DENND2B: variants seen among roughly 807,000 people sequenced by gnomAD.
The protein encoded by DENND2B is DENN domain containing 2B, also known as DENN domain-containing protein 2B.
DENND2B carries 32 observed loss-of-function variants against 116.0 expected under a neutral mutation model. The ratio of observed to expected loss-of-function variants is 0.28; its 90% confidence interval spans 0.21 to 0.37. DENND2B has a LOEUF of 0.37. Ranked by LOEUF, DENND2B falls within the 10% of genes least tolerant of loss-of-function variation. The pLI, the probability that DENND2B is intolerant of heterozygous loss-of-function variation, is 1.00. For missense variants in DENND2B, 1,276 were observed against 1,477.7 expected (o/e 0.86, Z 2.24); for synonymous variants, 588 against 583.9 (o/e 1.01, Z -0.10).
chr11:8,751,379 T>G (rs1262147805), intron 1 of DENND2B, among the ~76,000 whole-genome samples: 1 of 152,132 alleles, frequency 6.6e-6, no homozygotes, highest in Non-Finnish European at 1.5e-5. Flanking sequence ...GATAAGGGAA[T>G]AAAAGCAGGC....
intron 3 of DENND2B, among the ~76,000 whole-genome samples, chr11:8,854,358 C>T (rs912118523): frequency 6.6e-6 from 1 of 151,876 alleles, no homozygotes; most frequent in African/African-American, 2.4e-5. Context: ...TGCACCACCA[C>T]GACCAGCTAA....
chr11:8,705,283 GAGA>G (rs972438119), intron 13 of DENND2B, among the ~76,000 whole-genome samples: 1 of 152,028 alleles, frequency 6.6e-6, no homozygotes, highest in Non-Finnish European at 1.5e-5. Context: ...ATGCAATCTT[GAGA>G]AGATGTCTAC....
rs544281251 is a variant in DENND2B, at chr11:8,883,973, G to T, written c.-255-2864C>A. 2.0e-5 allele frequency among the ~76,000 whole-genome samples: 3 copies of T among 152,280 alleles called. No individual in the cohort carries two copies. The South Asian group carries it at 6.2e-4, about 32-fold the overall frequency. ...AAATGAAGACACCCCATTCTTTCCAGTACTGCCCTCAATGGTTCTATAGCC... is the reference window on the plus strand; with the variant it reads ...AAATGAAGACACCCCATTCTTTCCATTACTGCCCTCAATGGTTCTATAGCC... On this transcript the variant is annotated intron_variant, in intron 1 of 22. Coordinates refer to the DENND2B transcript ENST00000534127.
At chr11:8,876,483 C>G (rs2063842442) in intron 2 of DENND2B, among the ~76,000 whole-genome samples, 1 of 152,134 alleles carries the variant, frequency 6.6e-6, no homozygotes, top group Non-Finnish European at 1.5e-5. Context: ...AATCAAAGTT[C>G]TCTTTCTATA....
chr11:8,694,801 T>C, intron 19 of DENND2B: 1 of 338,138 alleles, frequency 3.0e-6, no homozygotes. Flanking sequence ...GGCTAACGCC[T>C]ATAATCCCAA....
chr11:8,717,563 A>G (rs2045140560), intron 5 of DENND2B, among the ~76,000 whole-genome samples, 178 bp downstream of exon 5: 1 of 152,136 alleles, frequency 6.6e-6, no homozygotes, highest in Non-Finnish European at 1.5e-5. Flanking sequence ...TCCTTTGCTG[A>G]GGAGACCTCC....
At position 8,712,494 on chromosome 11, in the gene DENND2B, C is replaced by A; in HGVS notation, c.2172+57G>T. 6.7e-7 allele frequency: 1 copy of A among 1,499,600 alleles called. No individual in the cohort carries two copies. The highest frequency in any genetic ancestry group is 9.0e-7 in the Non-Finnish European group (1 of 1,111,898). 92.9% of individuals were successfully genotyped at this position (1,499,600 alleles called of 1,614,324 possible). On this transcript the variant is annotated intron_variant, in intron 9 of 19. Coordinates refer to ENST00000313726, the MANE Select transcript of DENND2B (RefSeq NM_213618.2). This position sits in a 1 kb window ranked among gnomAD's most constrained non-coding sequence, Gnocchi z 4.4. Reference sequence around the variant, plus strand: ...TCTCTCCTTCCCCAGATAGGCCTGGCGGATAGAGGATGGAAGAGGGGGAAT... The same window carrying A: ...TCTCTCCTTCCCCAGATAGGCCTGGAGGATAGAGGATGGAAGAGGGGGAAT...
chr11:8,909,272 G>C (rs2064278681), intron 1 of DENND2B, among the ~76,000 whole-genome samples: 1 of 152,242 alleles, frequency 6.6e-6, no homozygotes, highest in Non-Finnish European at 1.5e-5. Context: ...GGCTGAAGAA[G>C]AGGATCGCTT....
intron 2 of DENND2B, among the ~76,000 whole-genome samples, chr11:8,860,379 T>C (rs994224426): frequency 6.6e-6 from 1 of 152,178 alleles, no homozygotes; most frequent in African/African-American, 2.4e-5. Flanking sequence ...CACAAATCAG[T>C]AGCACTGCTA....
chr11:8,702,813 C>A lies in DENND2B; in HGVS notation c.2572-93G>T. 1 of 1,491,318 alleles carries A rather than the reference C, an allele frequency of 6.7e-7. No homozygotes were observed. The highest frequency in any genetic ancestry group is 9.1e-7 in the Non-Finnish European group (1 of 1,102,910). 92.4% of individuals were successfully genotyped at this position (1,491,318 alleles called of 1,614,324 possible). A position where few individuals can be genotyped will look rare whatever the true frequency, so the allele number is the denominator to read the frequency against. ...AAGCAACTGGAGCTGCTTTCCCCTT[C>A]CAACCTGCTCTTTTCCAGGTCTCTC... On this transcript the variant is annotated intron_variant, in intron 13 of 19. Coordinates refer to ENST00000313726, the MANE Select transcript of DENND2B (RefSeq NM_213618.2). This position sits in a 1 kb window ranked among gnomAD's most constrained non-coding sequence, Gnocchi z 4.6.
chr11:8,754,101 T>C (rs991868181), intron 1 of DENND2B, among the ~76,000 whole-genome samples: 12 of 150,616 alleles, frequency 8.0e-5, no homozygotes, highest in African/African-American at 2.9e-4. Flanking sequence ...AAAAGAACTT[T>C]TGTGCTGTAA....
intron 1 of DENND2B, among the ~76,000 whole-genome samples, chr11:8,799,061 A>G (rs909200778): frequency 6.6e-6 from 1 of 152,136 alleles, no homozygotes; most frequent in Non-Finnish European, 1.5e-5. Context: ...ACCTCAAGTA[A>G]TCCACCCACT....
At position 8,897,213 on chromosome 11, in the gene DENND2B, C is replaced by T. The variant is rs374126424; in HGVS notation, c.-256+13608G>A. 4.5e-4 allele frequency among the ~76,000 whole-genome samples: 68 copies of T among 152,132 alleles called. No individual in the cohort carries two copies. In the East Asian group the frequency reaches 0.01, roughly 23 times the overall value. On this transcript the variant is annotated intron_variant, in intron 1 of 22. Coordinates refer to the DENND2B transcript ENST00000534127. ...CAGAGGTTACAGTAAGCAGAGATTGCGCCACTGCACTCCAGCCTGGGCAAC... is the reference window on the plus strand; with the variant it reads ...CAGAGGTTACAGTAAGCAGAGATTGTGCCACTGCACTCCAGCCTGGGCAAC...
At chr11:8,865,892 C>T (rs2063557462) in intron 2 of DENND2B, among the ~76,000 whole-genome samples, 1 of 151,176 alleles carries the variant, frequency 6.6e-6, no homozygotes, top group African/African-American at 2.4e-5. Flanking sequence ...TGTCCAAATG[C>T]CATCCCCACT....
chr11:8,813,252 G>C (rs988560887), upstream of DENND2B, among the ~76,000 whole-genome samples: 1 of 152,274 alleles, frequency 6.6e-6, no homozygotes, highest in South Asian at 2.1e-4. Context: ...AACAGGAAAT[G>C]ACAGAATGGC....
chr11:8,727,002 A>T (rs2047187854), intron 3 of DENND2B, among the ~76,000 whole-genome samples: 1 of 152,194 alleles, frequency 6.6e-6, no homozygotes, highest in Admixed American at 6.5e-5. Context: ...TCTCTACTGT[A>T]TAATTTCAAG....
chr11:8,832,905 T>C (rs2062274337), intron 4 of DENND2B, among the ~76,000 whole-genome samples: 1 of 152,212 alleles, frequency 6.6e-6, no homozygotes. Context: ...GCGGCTGCAC[T>C]TGAATGTCAG....
chr11:8,812,710 TAC>T (rs2061433885), upstream of DENND2B, among the ~76,000 whole-genome samples: 2 of 152,142 alleles, frequency 1.3e-5, no homozygotes, highest in Non-Finnish European at 2.9e-5. Flanking sequence ...CCTTTCCACC[TAC>T]AGAGCCTACT....
intron 14 of DENND2B, among the ~76,000 whole-genome samples, chr11:8,700,532 G>A (rs999011079): frequency 2.0e-5 from 3 of 152,118 alleles, no homozygotes; most frequent in Non-Finnish European, 4.4e-5. Flanking sequence ...CCTCTCAACT[G>A]CTTCCTCATA....
Sources: gnomAD v4.1 joint callset for allele counts (sites outside exome capture counted in the v4.1 genomes callset) on GRCh38, gnomAD v4.1.1 for gene constraint, Gnocchi (gnomAD v3.1) non-coding constraint, MANE v1.5 for transcripts, NCBI Gene and HGNC (gene_info 2026-07-23, HGNC 2026-07-21) for gene names.